Variants in UMAD1 observed in about 807,000 individuals in gnomAD.
The protein encoded by UMAD1 is UBAP1-MVB12-associated (UMA) domain containing 1.
A neutral mutation model predicts 6.1 loss-of-function variants in UMAD1; 8 were observed. The ratio of observed to expected loss-of-function variants is 1.30; its 90% confidence interval spans 0.76 to 2.35. UMAD1 has a LOEUF of 2.35. UMAD1 is among the 30% of genes most tolerant of loss of function. UMAD1 has a pLI of 0.00. For missense variants in UMAD1, 130 were observed against 78.4 expected, an observed-to-expected ratio of 1.66 and a Z score of -2.49; for synonymous variants, 56 against 31.4, an observed-to-expected ratio of 1.78 and a Z score of -2.61.
intron 3 of UMAD1, among the ~76,000 whole-genome samples, chr7:7,809,832 A>G (rs528773521): frequency 3.9e-5 from 6 of 152,188 alleles, no homozygotes; most frequent in African/African-American, 1.2e-4. Flanking sequence ...GAGCTATAGG[A>G]GCCTTCAGAT....
rs771800996 is a variant in UMAD1 at position 7,673,352 on chromosome 7, C to T, written c.-20C>T. The T allele has an allele frequency of 1.6e-6, 2 of 1,282,294 alleles. No individual in the cohort carries two copies. The highest frequency in any genetic ancestry group is 1.5e-5 in the African/African-American group (1 of 66,062). 79.4% of individuals were successfully genotyped at this position (1,282,294 alleles called of 1,614,324 possible). A position where few individuals can be genotyped will look rare whatever the true frequency, so the allele number is the denominator to read the frequency against. ...GCAGCAGCAGCAGCAGCAGCAGCAGCAGCAGCAGCAGCAGCAGCAATGTTT... is the reference window on the plus strand; with the variant it reads ...GCAGCAGCAGCAGCAGCAGCAGCAGTAGCAGCAGCAGCAGCAGCAATGTTT... On this transcript the variant is annotated 5_prime_UTR_variant, in exon 2 of 4. Coordinates refer to ENST00000682710, the MANE Select transcript of UMAD1 (RefSeq NM_001302348.2).
chr7:7,671,429 C>T (rs1164789533), intron 1 of UMAD1, among the ~76,000 whole-genome samples: 2 of 152,202 alleles, frequency 1.3e-5, no homozygotes, highest in African/African-American at 4.8e-5. Flanking sequence ...TTAGTCTACA[C>T]TGAGGTTTTA....
rs1004828334 is a variant in UMAD1, at chr7:7,833,791, G to A, written c.156+32048G>A. Among the ~76,000 whole-genome samples, 4 of 152,104 alleles carry A rather than the reference G, an allele frequency of 2.6e-5. No individual in the cohort carries two copies. In the South Asian group the frequency reaches 8.3e-4, roughly 31 times the overall value. On this transcript the variant is annotated intron_variant, in intron 3 of 3. Transcript: ENST00000682710. ...GTATGTCTTTAATCATGGAATAGCAGCCAGAACATGGTGGTTACTTTTTCA... is the reference window on the plus strand; with the variant it reads ...GTATGTCTTTAATCATGGAATAGCAACCAGAACATGGTGGTTACTTTTTCA...
At chr7:7,860,914 A>G (rs1390125205) in intron 3 of UMAD1, among the ~76,000 whole-genome samples, 2 of 152,248 alleles carry the variant, frequency 1.3e-5, no homozygotes, top group Non-Finnish European at 2.9e-5. Flanking sequence ...AATCTTATTC[A>G]GCCTTAAAAA....
intron 1 of UMAD1, among the ~76,000 whole-genome samples, chr7:7,645,684 CTTAA>C (rs1785078084): frequency 1.3e-5 from 2 of 152,044 alleles, no homozygotes; most frequent in South Asian, 2.1e-4. Context: ...CATTTTTTGC[CTTAA>C]TTGAGATGAT....
At chr7:7,759,829 A>G (rs183613104) in intron 2 of UMAD1, among the ~76,000 whole-genome samples, 2 of 152,324 alleles carry the variant, frequency 1.3e-5, no homozygotes, top group African/African-American at 2.4e-5. Context: ...TTCAGGGAAC[A>G]GTAAGAGAAG....
At chr7:7,821,770 T>G (rs1487590407) in intron 3 of UMAD1, among the ~76,000 whole-genome samples, 2 of 152,192 alleles carry the variant, frequency 1.3e-5, no homozygotes, top group African/African-American at 4.8e-5. Context: ...TACCTACTGT[T>G]TCTCTCCTTT....
Position 7,830,005 on chromosome 7 carries a change from A to G in UMAD1, c.156+28262A>G, listed in dbSNP as rs1436773175. ...TGGATTTACTACAGAGTCTTCCGAC[A>G]AACCTTCTTCCTTCTGACTTTTGCC... On this transcript the variant is annotated intron_variant, in intron 3 of 3. Coordinates refer to ENST00000682710, the MANE Select transcript of UMAD1 (RefSeq NM_001302348.2). This position sits in a 1 kb window ranked among gnomAD's most constrained non-coding sequence, Gnocchi z 5.3. Among the ~76,000 whole-genome samples, 3 of 152,186 alleles carry G rather than the reference A, an allele frequency of 2.0e-5. No homozygotes were observed. Among genetic ancestry groups the G allele is most frequent in the South Asian group, 2.1e-4 (1 of 4,832 alleles).
At chr7:7,662,060 T>C (rs965682349) in intron 1 of UMAD1, among the ~76,000 whole-genome samples, 1 of 152,150 alleles carries the variant, frequency 6.6e-6, no homozygotes, top group Non-Finnish European at 1.5e-5. Flanking sequence ...TGCTGAGCTG[T>C]GGAGGGCTGT....
At chr7:7,791,808 T>C (rs1782572716) in intron 2 of UMAD1, among the ~76,000 whole-genome samples, 1 of 152,238 alleles carries the variant, frequency 6.6e-6, no homozygotes. Flanking sequence ...CCAATGCTTT[T>C]AAAGTAGTAA....
chr7:7,783,082 T>C (rs756338666), intron 2 of UMAD1, among the ~76,000 whole-genome samples: 2 of 152,200 alleles, frequency 1.3e-5, no homozygotes, highest in Non-Finnish European at 2.9e-5. Flanking sequence ...CAAAGTCTGA[T>C]CTAGAGATTA....
chr7:7,875,809 G>A lies in UMAD1; in HGVS notation c.157-1472G>A, dbSNP rs111629210. Among the ~76,000 whole-genome samples the A allele has an allele frequency of 4.3e-4, 65 of 152,340 alleles. 2 individuals carry two copies. The highest frequency in any genetic ancestry group is 6.8e-3 in the Middle Eastern group (2 of 294). ...AGCTACAAAAGCTTCTTGGCTGGGT[G>A]CAGTGGCTCATGCCTGTAATCCCAG... On this transcript the variant is annotated intron_variant, in intron 3 of 3. Coordinates refer to ENST00000682710, the MANE Select transcript of UMAD1 (RefSeq NM_001302348.2).
At chr7:7,742,055 C>T (rs1207024977) in intron 2 of UMAD1, 6 of 547,816 alleles carry the variant, frequency 1.1e-5, no homozygotes, top group African/African-American at 7.5e-5. Context: ...CAGCACAGGG[C>T]TTGGTACATC....
intron 3 of UMAD1, among the ~76,000 whole-genome samples, chr7:7,826,497 C>T (rs1256233652): frequency 6.6e-6 from 1 of 152,076 alleles, no homozygotes; most frequent in Non-Finnish European, 1.5e-5. Flanking sequence ...GTGCGTTAGC[C>T]ACTCACTTCC....
At chr7:7,731,603 T>C (rs7787930) in intron 2 of UMAD1, among the ~76,000 whole-genome samples, 49,019 of 151,842 alleles carry the variant, frequency 0.32, 8,690 homozygotes, top group African/African-American at 0.49. Flanking sequence ...TTAATTCGCT[T>C]ATGGTAATTA....
intron 2 of UMAD1, among the ~76,000 whole-genome samples, chr7:7,705,067 CATT>C (rs1415874919): frequency 6.6e-6 from 1 of 152,076 alleles, no homozygotes; most frequent in Non-Finnish European, 1.5e-5. Flanking sequence ...TTCTTTCTGG[CATT>C]GTTATTATTC....
At chr7:7,697,627 AT>A (rs1780353021) in intron 2 of UMAD1, among the ~76,000 whole-genome samples, 1 of 152,112 alleles carries the variant, frequency 6.6e-6, no homozygotes, top group Admixed American at 6.6e-5. Flanking sequence ...AGATATTTTT[AT>A]TTTTTTAAGC....
At chr7:7,795,322 G>A (rs1007728477) in intron 2 of UMAD1, among the ~76,000 whole-genome samples, 2 of 152,194 alleles carry the variant, frequency 1.3e-5, no homozygotes, top group East Asian at 3.9e-4. Context: ...AATATGCTGA[G>A]CTGGTCAGGC....
At chr7:7,798,047 A>G (rs1456958958) in intron 2 of UMAD1, among the ~76,000 whole-genome samples, 1 of 152,200 alleles carries the variant, frequency 6.6e-6, no homozygotes, top group Non-Finnish European at 1.5e-5. Context: ...TACAGACTGG[A>G]AAACTACAGG....
Sources: gnomAD v4.1 joint callset for allele counts (sites outside exome capture counted in the v4.1 genomes callset) on GRCh38, gnomAD v4.1.1 for gene constraint, Gnocchi (gnomAD v3.1) non-coding constraint, MANE v1.5 for transcripts, NCBI Gene and HGNC (gene_info 2026-07-23, HGNC 2026-07-21) for gene names.